CFAP299: variants seen among roughly 807,000 people sequenced by gnomAD.
CFAP299 encodes the protein cilia- and flagella-associated protein 299.
In CFAP299, 21 loss-of-function variants were observed where a neutral mutation model predicts 27.0. The observed-to-expected ratio is 0.78, with a 90% CI of 0.55 to 1.12. The LOEUF (loss-of-function observed/expected upper bound fraction) is 1.12. CFAP299 is among the 50% of genes most tolerant of loss of function. CFAP299 has a pLI of 0.00. For synonymous variants in CFAP299, 104 were observed against 98.1 expected (o/e 1.06, Z -0.36); for missense variants, 310 against 276.6 (o/e 1.12, Z -0.86).
intron 4 of CFAP299, among the ~76,000 whole-genome samples, chr4:80,927,034 A>G (rs1205490479): frequency 1.3e-5 from 2 of 152,018 alleles, no homozygotes; most frequent in African/African-American, 4.8e-5. Context: ...ACCAGCACAT[A>G]TTTCCTTGGT....
chr4:80,593,640 C>G (rs1158230634), intron 3 of CFAP299, among the ~76,000 whole-genome samples: 2 of 152,296 alleles, frequency 1.3e-5, no homozygotes, highest in South Asian at 2.1e-4. Context: ...TCCATCTTCT[C>G]AAAGAGCCAG....
intron 3 of CFAP299, among the ~76,000 whole-genome samples, chr4:80,670,036 C>T (rs539693674): frequency 6.6e-6 from 1 of 151,550 alleles, no homozygotes; most frequent in Non-Finnish European, 1.5e-5. Flanking sequence ...TTGTGCACAA[C>T]GTGCAGGCTT....
chr4:80,725,066 T>A (rs1723076683), intron 3 of CFAP299, among the ~76,000 whole-genome samples: 1 of 150,230 alleles, frequency 6.7e-6, no homozygotes, highest in South Asian at 2.1e-4. Flanking sequence ...TGCCTCAGCC[T>A]CCTGAGTAGC....
At chr4:80,837,161 A>C (rs931321810) in intron 3 of CFAP299, among the ~76,000 whole-genome samples, 6 of 152,190 alleles carry the variant, frequency 3.9e-5, no homozygotes, top group Non-Finnish European at 7.3e-5. Flanking sequence ...GGTTTTTATC[A>C]GTGCATATTA....
intron 1 of CFAP299, among the ~76,000 whole-genome samples, chr4:80,357,544 T>C (rs1723335452): frequency 1.3e-5 from 2 of 152,202 alleles, no homozygotes. Flanking sequence ...AGGATTCAAG[T>C]TCTTCCTGGT....
intron 3 of CFAP299, among the ~76,000 whole-genome samples, chr4:80,639,286 C>T (rs752992069): frequency 6.6e-6 from 1 of 152,100 alleles, no homozygotes; most frequent in African/African-American, 2.4e-5. Flanking sequence ...GAGTAAAATA[C>T]AAATACTCTA....
intron 2 of CFAP299, among the ~76,000 whole-genome samples, chr4:80,498,860 G>A (rs1325974893): frequency 6.6e-6 from 1 of 152,098 alleles, no homozygotes; most frequent in Non-Finnish European, 1.5e-5. Context: ...ATCATCAATA[G>A]TGGACAGAAT....
intron 5 of CFAP299, among the ~76,000 whole-genome samples, chr4:80,949,747 G>T (rs957428385): frequency 6.6e-6 from 1 of 152,042 alleles, no homozygotes; most frequent in African/African-American, 2.4e-5. Context: ...GATTGAAGGG[G>T]TGAATTGGGA....
intron 3 of CFAP299, among the ~76,000 whole-genome samples, chr4:80,678,400 T>C (rs1237120059): frequency 2.0e-5 from 3 of 152,092 alleles, no homozygotes; most frequent in Non-Finnish European, 4.4e-5. Context: ...AGTTACCTAA[T>C]AAAGTAAGAA....
At chr4:80,847,671 A>T (rs1009825526) in intron 3 of CFAP299, among the ~76,000 whole-genome samples, 9 of 152,222 alleles carry the variant, frequency 5.9e-5, no homozygotes, top group African/African-American at 2.2e-4. Context: ...AACAGAATTA[A>T]CAATGATACC....
intron 2 of CFAP299, among the ~76,000 whole-genome samples, chr4:80,389,653 C>A (rs1390824432): frequency 6.6e-6 from 1 of 152,180 alleles, no homozygotes. Context: ...ACAAAATAGA[C>A]TGAATGATTC....
intron 3 of CFAP299, among the ~76,000 whole-genome samples, chr4:80,857,037 C>A (rs1264439811): frequency 6.6e-6 from 1 of 152,088 alleles, no homozygotes; most frequent in East Asian, 1.9e-4. Context: ...TACCCATGAG[C>A]ATGGAATGTT....
chr4:80,854,810 GAAAAAA>G (rs58533748), intron 3 of CFAP299, among the ~76,000 whole-genome samples: 976 of 43,360 alleles, frequency 0.023, 9 homozygotes, highest in African/African-American at 0.068. Flanking sequence ...CTGTTGCTAT[GAAAAAA>G]AAAAAAAAAA....
At chr4:80,799,820 T>TATAATATAATATATAA (rs1728249286) in intron 3 of CFAP299, among the ~76,000 whole-genome samples, 2 of 36,514 alleles carry the variant, frequency 5.5e-5, no homozygotes, top group African/African-American at 1.3e-4. Flanking sequence ...AATATATATA[T>TATAATATAATATATAA]TATATATATT....
chr4:80,648,443 T>C (rs1327359586), intron 3 of CFAP299, among the ~76,000 whole-genome samples: 1 of 152,144 alleles, frequency 6.6e-6, no homozygotes, highest in Non-Finnish European at 1.5e-5. Context: ...AACTGTTCTT[T>C]AACAAACTCA....
At chr4:80,926,884 A>G (rs1188852389) in intron 4 of CFAP299, among the ~76,000 whole-genome samples, 2 of 152,030 alleles carry the variant, frequency 1.3e-5, no homozygotes, top group Non-Finnish European at 2.9e-5. Flanking sequence ...TCAAAAGGAG[A>G]TATGTCAGAT....
At chr4:80,651,354 CTTTCTTCTTCTTCT>C (rs1740277866) in intron 3 of CFAP299, among the ~76,000 whole-genome samples, 6 of 138,008 alleles carry the variant, frequency 4.3e-5, no homozygotes, top group African/African-American at 1.5e-4. Flanking sequence ...CTTCTTCTTT[CTTTCTTCTTCTTCT>C]TTTTTTTTTT....
rs116392207 is a variant in CFAP299 at position 80,417,001 on chromosome 4, G to C, written c.242+54117G>C. Among the ~76,000 whole-genome samples, 11 of 152,374 alleles carry C rather than the reference G, an allele frequency of 7.2e-5. No individual in the cohort carries two copies. The East Asian group carries it at 1.7e-3, about 24-fold the overall frequency. On this transcript the variant is annotated intron_variant, in intron 2 of 5. Coordinates refer to ENST00000358105, the MANE Select transcript of CFAP299 (RefSeq NM_152770.3). ...AAGGAATGGCTACTCCATAGGCAGA[G>C]CAGCAGCCTGAGCTGCTGGTTTGCC...
chr4:80,586,248 T>G (rs1425866574), intron 3 of CFAP299, among the ~76,000 whole-genome samples: 1 of 151,990 alleles, frequency 6.6e-6, no homozygotes. Context: ...TGACAACTAT[T>G]TAATATATAA....
Sources: allele counts gnomAD v4.1 joint callset (sites outside exome capture counted in the v4.1 genomes callset), GRCh38; gene constraint gnomAD v4.1.1; transcripts MANE v1.5; gene names NCBI Gene and HGNC (gene_info 2026-07-23, HGNC 2026-07-21).